The following CDH12 variants were observed in gnomAD, a reference collection of about 807,000 sequenced individuals.
The protein encoded by CDH12 is cadherin 12, also known as cadherin-12.
Under a neutral mutation model 74.1 loss-of-function variants are expected in CDH12, and 41 were observed. That is an observed-to-expected ratio of 0.55 (90% CI 0.43 to 0.72). The LOEUF (loss-of-function observed/expected upper bound fraction) is 0.72. Ranked by LOEUF, CDH12 falls within the 30% of genes least tolerant of loss-of-function variation. The pLI, the probability that CDH12 is intolerant of heterozygous loss-of-function variation, is 0.00. For synonymous variants in CDH12, 399 were observed against 355.0 expected (o/e 1.12, Z -1.39); for missense variants, 945 against 977.2 (o/e 0.97, Z 0.44).
intron 1 of CDH12, among the ~76,000 whole-genome samples, chr5:22,760,053 T>C (rs1746126464): frequency 6.6e-6 from 1 of 152,192 alleles, no homozygotes; most frequent in Non-Finnish European, 1.5e-5. Flanking sequence ...CACAGCAATA[T>C]CCGGATGTGT....
chr5:22,012,805 T>C (rs925133970), intron 5 of CDH12, among the ~76,000 whole-genome samples: 4 of 142,872 alleles, frequency 2.8e-5, no homozygotes, highest in Non-Finnish European at 6.0e-5. Flanking sequence ...AAAATAACAA[T>C]ATCTACCTTC....
At chr5:22,496,014 T>G (rs561364110) in intron 2 of CDH12, among the ~76,000 whole-genome samples, 48 of 152,288 alleles carry the variant, frequency 3.2e-4, no homozygotes, top group Admixed American at 1.2e-3. Flanking sequence ...ATGAACTACA[T>G]AATCCTTATA....
intron 3 of CDH12, among the ~76,000 whole-genome samples, chr5:22,218,080 A>G (rs1432370815): frequency 6.6e-6 from 1 of 151,788 alleles, no homozygotes; most frequent in African/African-American, 2.4e-5. Flanking sequence ...AAAGAAAAAA[A>G]ACTCTCATTA....
chr5:22,007,120 A>G (rs1161830902), intron 5 of CDH12, among the ~76,000 whole-genome samples: 1 of 152,170 alleles, frequency 6.6e-6, no homozygotes, highest in Non-Finnish European at 1.5e-5. Flanking sequence ...CTTGGATTGC[A>G]TAGGAAAAAT....
chr5:22,689,685 T>C (rs1741983658), intron 1 of CDH12, among the ~76,000 whole-genome samples: 1 of 152,034 alleles, frequency 6.6e-6, no homozygotes. Context: ...CAGGTTTGTG[T>C]CAAAAATCTT....
At chr5:22,457,027 T>C (rs1174090247) in intron 2 of CDH12, among the ~76,000 whole-genome samples, 1 of 152,156 alleles carries the variant, frequency 6.6e-6, no homozygotes, top group Non-Finnish European at 1.5e-5. Context: ...CTGAAAATAC[T>C]GAGTCCTTTT....
intron 1 of CDH12, among the ~76,000 whole-genome samples, chr5:22,621,863 T>A (rs1737991491): frequency 6.6e-6 from 1 of 152,044 alleles, no homozygotes; most frequent in African/African-American, 2.4e-5. Flanking sequence ...CCACCCCCAC[T>A]GTAAAAACAC....
At chr5:22,471,166 T>C (rs1339729869) in intron 2 of CDH12, among the ~76,000 whole-genome samples, 3 of 152,118 alleles carry the variant, frequency 2.0e-5, no homozygotes, top group Admixed American at 2.0e-4. Context: ...GGAGAAAAAT[T>C]GCACCTGTTC....
intron 4 of CDH12, among the ~76,000 whole-genome samples, chr5:22,154,866 TCTC>T (rs1270973746): frequency 6.6e-6 from 1 of 152,042 alleles, no homozygotes; most frequent in Non-Finnish European, 1.5e-5. Context: ...CTTCTCAGGG[TCTC>T]ATAAGGCTAT....
intron 2 of CDH12, among the ~76,000 whole-genome samples, chr5:22,432,684 C>A (rs1047613719): frequency 4.6e-5 from 7 of 152,048 alleles, no homozygotes; most frequent in Admixed American, 1.3e-4. Context: ...AAGTTTTTGA[C>A]AATGTTTGAC....
intron 11 of CDH12, among the ~76,000 whole-genome samples, chr5:21,771,599 T>C (rs1257488871): frequency 6.6e-6 from 1 of 151,956 alleles, no homozygotes; most frequent in Non-Finnish European, 1.5e-5. Flanking sequence ...AGATTAGGGG[T>C]TGTGGAGACC....
intron 1 of CDH12, among the ~76,000 whole-genome samples, chr5:22,822,453 G>A (rs1749755672): frequency 1.3e-5 from 2 of 151,952 alleles, no homozygotes; most frequent in East Asian, 1.9e-4. Flanking sequence ...GCAACCTACA[G>A]AATGGGAGAA....
In CDH12 at chr5:22,422,870, G is replaced by A. The variant is rs997221724; in HGVS notation, c.-427-17519C>T. ...CCAGGAAGAAAATCTGCTGTAATTC[G>A]GATTGGAACTCCATTATATATATTA... On this transcript the variant is annotated intron_variant, in intron 2 of 14. Coordinates refer to ENST00000382254, the MANE Select transcript of CDH12 (RefSeq NM_004061.5). Among the ~76,000 whole-genome samples, 12 of 152,112 alleles carry A rather than the reference G, an allele frequency of 7.9e-5. No homozygotes were observed. In the South Asian group the frequency reaches 8.3e-4, roughly 11 times the overall value.
chr5:21,833,307 G>GTTATATAACATATAATATATA (rs1561225754), intron 8 of CDH12, among the ~76,000 whole-genome samples: 643 of 26,364 alleles, frequency 0.024, 78 homozygotes, highest in African/African-American at 0.05. Context: ...TATATTATAT[G>GTTATATAACATATAATATATA]TTATATGTTA....
At chr5:22,724,617 T>A (rs1166108873) in intron 1 of CDH12, among the ~76,000 whole-genome samples, 2 of 151,982 alleles carry the variant, frequency 1.3e-5, no homozygotes, top group East Asian at 3.9e-4. Flanking sequence ...CCACATTTTC[T>A]TTATCCATTT....
chr5:22,357,506 G>A (rs571842936), intron 3 of CDH12, among the ~76,000 whole-genome samples: 5 of 151,964 alleles, frequency 3.3e-5, no homozygotes, highest in South Asian at 2.1e-4. Context: ...ACATAAAAAC[G>A]TTATCTACCT....
At chr5:22,775,428 G>C (rs965750164) in intron 1 of CDH12, among the ~76,000 whole-genome samples, 1 of 151,994 alleles carries the variant, frequency 6.6e-6, no homozygotes, top group Non-Finnish European at 1.5e-5. Flanking sequence ...GCCTGGGTCT[G>C]TCATGCCAAG....
intron 3 of CDH12, among the ~76,000 whole-genome samples, chr5:22,395,198 T>C (rs1000100290): frequency 7.2e-5 from 11 of 152,046 alleles, no homozygotes; most frequent in South Asian, 2.1e-4. Flanking sequence ...AATCTTTGAG[T>C]CAGACAAAAG....
At chr5:22,777,952 T>C (rs1055342702) in intron 1 of CDH12, among the ~76,000 whole-genome samples, 6 of 151,842 alleles carry the variant, frequency 4.0e-5, no homozygotes, top group Admixed American at 6.6e-5. Context: ...TAGTTGGGAG[T>C]GTGCCACCAC....
Sources: allele counts gnomAD v4.1 joint callset (sites outside exome capture counted in the v4.1 genomes callset), GRCh38; gene constraint gnomAD v4.1.1; transcripts MANE v1.5; gene names NCBI Gene and HGNC (gene_info 2026-07-23, HGNC 2026-07-21).